The following DLGAP2 variants were observed in gnomAD, a reference collection of about 807,000 sequenced individuals.
DLGAP2 encodes the protein DLG associated protein 2.
In DLGAP2, 26 loss-of-function variants were observed where a neutral mutation model predicts 100.3. The ratio of observed to expected loss-of-function variants is 0.26; its 90% confidence interval spans 0.19 to 0.36. The LOEUF is 0.36. DLGAP2 is among the 10% of genes least tolerant of loss of function. The pLI is 1.00. For missense variants in DLGAP2, 1,858 were observed against 1,453.2 expected (o/e 1.28, Z -4.53); for synonymous variants, 886 against 630.1 (o/e 1.41, Z -6.08).
chr8:968,241 A>G (rs1293483776), intron 2 of DLGAP2, among the ~76,000 whole-genome samples: 2 of 152,168 alleles, frequency 1.3e-5, no homozygotes, highest in African/African-American at 4.8e-5. Context: ...TATGACAGCT[A>G]TGCCCGTGGG....
intron 8 of DLGAP2, among the ~76,000 whole-genome samples, chr8:1,637,797 A>G (rs1161432376): frequency 6.6e-6 from 1 of 152,198 alleles, no homozygotes; most frequent in Non-Finnish European, 1.5e-5. Flanking sequence ...TTGCAGTTGA[A>G]GAGCTCGTCA....
intron 2 of DLGAP2, among the ~76,000 whole-genome samples, chr8:1,253,127 C>T (rs1223725662): frequency 6.6e-6 from 1 of 152,186 alleles, no homozygotes; most frequent in African/African-American, 2.4e-5. Flanking sequence ...CACAGATGCT[C>T]TTTGCATTCA....
intron 2 of DLGAP2, among the ~76,000 whole-genome samples, chr8:975,545 C>T (rs1299337263): frequency 2.6e-5 from 4 of 152,148 alleles, no homozygotes; most frequent in African/African-American, 4.8e-5. Context: ...AATAATTTTA[C>T]ACCATGACCA....
At chr8:1,392,929 C>A (rs1241194811) in intron 3 of DLGAP2, among the ~76,000 whole-genome samples, 7 of 127,580 alleles carry the variant, frequency 5.5e-5, no homozygotes, top group Admixed American at 8.2e-5. Flanking sequence ...TCTTTTTTTA[C>A]AACTATTCCC....
intron 6 of DLGAP2, among the ~76,000 whole-genome samples, chr8:1,607,113 G>T (rs188452612): frequency 3.7e-4 from 57 of 152,276 alleles, no homozygotes; most frequent in Non-Finnish European, 7.6e-4. Context: ...TTTTCAAAGT[G>T]GCTGTACTAC....
chr8:875,787 A>G (rs1268691445), intron 1 of DLGAP2, among the ~76,000 whole-genome samples: 1 of 152,066 alleles, frequency 6.6e-6, no homozygotes, highest in Non-Finnish European at 1.5e-5. Flanking sequence ...TTTTCACTAT[A>G]TTTTTGAGTC....
chr8:1,358,967 C>A (rs553659054), intron 3 of DLGAP2, among the ~76,000 whole-genome samples: 182 of 152,212 alleles, frequency 1.2e-3, no homozygotes, highest in Non-Finnish European at 2.2e-3. Context: ...TCTGGGCCAG[C>A]GGGTCTGAAA....
intron 2 of DLGAP2, among the ~76,000 whole-genome samples, chr8:1,144,804 G>A (rs1796577811): frequency 6.6e-6 from 1 of 151,968 alleles, no homozygotes; most frequent in African/African-American, 2.4e-5. Flanking sequence ...CAGACGGCCT[G>A]TATGCACAAC....
chr8:1,191,459 C>T (rs28635387), intron 2 of DLGAP2, among the ~76,000 whole-genome samples: 17 of 152,012 alleles, frequency 1.1e-4, no homozygotes, highest in East Asian at 7.7e-4. Flanking sequence ...CGTGAGCCAC[C>T]GCGCCCAGCC....
chr8:1,462,684 C>T (rs920679174), intron 3 of DLGAP2, among the ~76,000 whole-genome samples: 4 of 152,128 alleles, frequency 2.6e-5, no homozygotes, highest in Admixed American at 2.0e-4. Context: ...AGGCTGCCAG[C>T]GTGGGTGGCT....
At chr8:1,548,598 G>A (rs767827162) in intron 4 of DLGAP2, 28 bp from the exon 5 acceptor site, 2 of 1,463,388 alleles carry the variant, frequency 1.4e-6, no homozygotes, top group South Asian at 1.4e-5. Context: ...GCTTCCGGGT[G>A]TTCAATGCCG....
At chr8:1,006,507 A>G (rs1801114301) in intron 2 of DLGAP2, among the ~76,000 whole-genome samples, 3 of 108,258 alleles carry the variant, frequency 2.8e-5, no homozygotes, top group South Asian at 3.7e-4. Flanking sequence ...CTCAAGTCTC[A>G]GGATGTGGTC....
chr8:1,116,100 G>T (rs1371358514), intron 2 of DLGAP2, among the ~76,000 whole-genome samples: 3 of 152,188 alleles, frequency 2.0e-5, no homozygotes, highest in Admixed American at 6.5e-5. Context: ...GGGCCTGGTG[G>T]GTGTCTGTGG....
At chr8:873,998 T>C (rs1204966645) in intron 1 of DLGAP2, among the ~76,000 whole-genome samples, 2 of 152,094 alleles carry the variant, frequency 1.3e-5, no homozygotes, top group Non-Finnish European at 2.9e-5. Context: ...TTTGTTAGTG[T>C]AAAATTATTC....
intron 2 of DLGAP2, among the ~76,000 whole-genome samples, chr8:1,196,159 C>G (rs1585141924): frequency 6.6e-6 from 1 of 152,356 alleles, no homozygotes; most frequent in Middle Eastern, 3.4e-3. Flanking sequence ...TGTAGTAGTG[C>G]TCACCTGTTA....
intron 2 of DLGAP2, among the ~76,000 whole-genome samples, chr8:1,255,101 TGGGTGCTGTGTGTGTGTCCTCTCCTGCCC>T (rs1799160727): frequency 9.2e-6 from 1 of 108,428 alleles, no homozygotes; most frequent in Non-Finnish European, 1.8e-5. Context: ...TCATCCTGCC[TGGGTGCTGTGTGTGTGTCCTCTCCTGCCC>T]GGGCGCTGAG....
intron 1 of DLGAP2, among the ~76,000 whole-genome samples, chr8:761,127 A>C (rs1171301912): frequency 6.6e-6 from 1 of 152,090 alleles, no homozygotes. Flanking sequence ...CTCTGCCCGG[A>C]GTGACCAGGC....
intron 3 of DLGAP2, among the ~76,000 whole-genome samples, chr8:1,442,415 G>C (rs1797861289): frequency 6.7e-6 from 1 of 150,162 alleles, no homozygotes; most frequent in Non-Finnish European, 1.5e-5. Context: ...GACCCGCCAG[G>C]CTGCTGTGGG....
intron 4 of DLGAP2, among the ~76,000 whole-genome samples, chr8:1,547,861 C>T (rs1801596323): frequency 6.6e-6 from 1 of 152,174 alleles, no homozygotes; most frequent in South Asian, 2.1e-4. Context: ...TCCTCACTGG[C>T]CTGTAAGGGT....
Sources: allele counts gnomAD v4.1 joint callset (sites outside exome capture counted in the v4.1 genomes callset), GRCh38; gene constraint gnomAD v4.1.1; transcripts MANE v1.5; gene names NCBI Gene and HGNC (gene_info 2026-07-23, HGNC 2026-07-21).